Variants in FAT3 observed in about 807,000 individuals in gnomAD.
FAT3 encodes the protein FAT atypical cadherin 3.
FAT3 carries 95 observed loss-of-function variants against 310.2 expected under a neutral mutation model. The ratio of observed to expected loss-of-function variants is 0.31; its 90% CI spans 0.26 to 0.36. FAT3 has a LOEUF of 0.36. Among genes scored for constraint, FAT3 ranks in the 10% least tolerant of loss-of-function variants. The pLI is 1.00. For missense variants in FAT3, 5,408 were observed against 5,715.6 expected (o/e 0.95, Z 1.74); for synonymous variants, 2,314 against 2,192.9 (o/e 1.06, Z -1.54).
intron 3 of FAT3, among the ~76,000 whole-genome samples, chr11:92,666,505 C>A (rs1160627582): frequency 6.6e-6 from 1 of 151,342 alleles, no homozygotes; most frequent in East Asian, 1.9e-4. Flanking sequence ...ACAACCGCCA[C>A]CACGCCCAGC....
chr11:92,810,074 T>C lies in FAT3; in HGVS notation c.9479T>C (p.Ile3160Thr), dbSNP rs376808383. Reference protein sequence around the residue: ...LTRVQAVDPDIGINRKVVYSL... With the variant: ...LTRVQAVDPDTGINRKVVYSL... ...AGAGTTCAAGCCGTGGACCCCGACA[T>C]TGGTAAGTCAGTTGCAGGCATCTCC... The change falls in exon 13 of 28, where the codon ATT (isoleucine) becomes ACT (threonine). Residue 3160 changes from isoleucine (I) to threonine (T), a missense_variant and splice_region_variant. Transcript: ENST00000525166. 1 of 1,613,334 alleles carries C rather than the reference T, an allele frequency of 6.2e-7. No individual in the cohort carries two copies.
At chr11:92,507,276 G>A (rs1194286940) in intron 2 of FAT3, among the ~76,000 whole-genome samples, 1 of 152,138 alleles carries the variant, frequency 6.6e-6, no homozygotes, top group Admixed American at 6.6e-5. Context: ...TATAGAAGAT[G>A]AGAACTGGAG....
intron 1 of FAT3, among the ~76,000 whole-genome samples, chr11:92,289,511 A>ACACACACACC (rs1946640443): frequency 6.6e-6 from 1 of 151,258 alleles, no homozygotes; most frequent in Non-Finnish European, 1.5e-5. Flanking sequence ...ACACACACAC[A>ACACACACACC]CACACACACA....
At chr11:92,444,426 G>A (rs1229060299) in intron 2 of FAT3, among the ~76,000 whole-genome samples, 2 of 152,144 alleles carry the variant, frequency 1.3e-5, no homozygotes, top group African/African-American at 2.4e-5. Context: ...ATGTGCAAGT[G>A]CTAAACAGTG....
At chr11:92,650,846 A>G (rs2135757753) in intron 3 of FAT3, among the ~76,000 whole-genome samples, 1 of 152,326 alleles carries the variant, frequency 6.6e-6, no homozygotes, top group South Asian at 2.1e-4. Context: ...GGATATTGTG[A>G]GGATTAAATG....
rs576207718 is a variant in FAT3, at chr11:92,615,883, T to A, written c.3608-81501T>A. Among the ~76,000 whole-genome samples, 3 of 152,282 alleles carry A rather than the reference T, an allele frequency of 2.0e-5. No individual in the cohort carries two copies. The South Asian group carries it at 6.2e-4, about 32-fold the overall frequency. On this transcript the variant is annotated intron_variant, in intron 3 of 27. Coordinates refer to ENST00000525166, the MANE Select transcript of FAT3 (RefSeq NM_001367949.2). Reference sequence around the variant, plus strand: ...CTTTTCTTTTACATTTGCTGAGGAGTGCTTTACTTCCAACTACGTGGTCAA... The same window carrying A: ...CTTTTCTTTTACATTTGCTGAGGAGAGCTTTACTTCCAACTACGTGGTCAA...
chr11:92,374,255 A>G (rs989531477), intron 2 of FAT3, among the ~76,000 whole-genome samples: 2 of 152,332 alleles, frequency 1.3e-5, no homozygotes, highest in African/African-American at 4.8e-5. Context: ...CAGTCAAGTT[A>G]GCACCTAAAA....
chr11:92,457,359 G>A (rs1457230181), intron 2 of FAT3, among the ~76,000 whole-genome samples: 1 of 152,164 alleles, frequency 6.6e-6, no homozygotes, highest in Non-Finnish European at 1.5e-5. Flanking sequence ...CAGGTCTAGT[G>A]TGGTGTGGCT....
chr11:92,559,369 G>A (rs905828375), intron 3 of FAT3: 1 of 177,762 alleles, frequency 5.6e-6, no homozygotes, highest in Middle Eastern at 2.3e-3. Context: ...CTGGGTGATT[G>A]TTTACTTATT....
chr11:92,345,054 G>T (rs1201367725), intron 1 of FAT3, among the ~76,000 whole-genome samples: 1 of 152,104 alleles, frequency 6.6e-6, no homozygotes, highest in Non-Finnish European at 1.5e-5. Context: ...TATTTTAGTT[G>T]CCTACCTATA....
At chr11:92,884,453 G>T (rs949299055) in intron 24 of FAT3, among the ~76,000 whole-genome samples, 12 of 152,144 alleles carry the variant, frequency 7.9e-5, no homozygotes, top group African/African-American at 2.9e-4. Flanking sequence ...AAGCTTTGCT[G>T]TAACCTATAA....
chr11:92,257,681 C>G (rs770783066), intron 1 of FAT3, among the ~76,000 whole-genome samples: 2 of 152,100 alleles, frequency 1.3e-5, no homozygotes, highest in Non-Finnish European at 2.9e-5. Context: ...AGAAATCAGA[C>G]TGATGCATGA....
At chr11:92,391,324 A>C (rs1282760661) in intron 2 of FAT3, among the ~76,000 whole-genome samples, 2 of 152,112 alleles carry the variant, frequency 1.3e-5, no homozygotes, top group African/African-American at 4.8e-5. Flanking sequence ...AATAAGTATA[A>C]GTCCCTGACA....
rs753644851 is a variant in FAT3 at position 92,354,320 on chromosome 11, G to A, written c.2208G>A (p.Lys736=). The part of the protein sequence containing the change: ...DKSFPSDVAV[K]EDLPVGANIL... ...CTTTTCCTTCTGATGTGGCTGTAAA[G>A]GAGGATCTGCCAGTTGGTGCTAACA... Residue 736 remains lysine, a synonymous_variant, in exon 2 of 28, where the codon AAG becomes AAA. Coordinates refer to ENST00000525166, the MANE Select transcript of FAT3 (RefSeq NM_001367949.2). The A allele has an allele frequency of 3.1e-6, 5 of 1,613,760 alleles. No homozygotes were observed. The highest frequency in any genetic ancestry group is 1.7e-5 in the Admixed American group (1 of 60,002).
intron 26 of FAT3, 110 bp downstream of exon 26, chr11:92,889,358 T>TTTC: frequency 5.8e-6 from 3 of 513,702 alleles, no homozygotes; most frequent in Non-Finnish European, 1.0e-5. Flanking sequence ...AAACAGCTGG[T>TTTC]TTCTGATGAG....
intron 3 of FAT3, among the ~76,000 whole-genome samples, chr11:92,696,170 G>T (rs1943936518): frequency 6.6e-6 from 1 of 151,622 alleles, no homozygotes; most frequent in South Asian, 2.1e-4. Flanking sequence ...CAATGAAAAA[G>T]ATAAAGAAAA....
In FAT3 at chr11:92,789,985, T is replaced by G. The variant is rs1314042536; in HGVS notation, c.4378T>G (p.Phe1460Val). ...VLDNNDNGPEFSQPNYDVTIS... is the reference protein window; with the variant it reads ...VLDNNDNGPEVSQPNYDVTIS... ...GGATAATAATGATAATGGCCCAGAA[T>G]TCTCTCAGCCGAATTACGATGTGAC... The change falls in exon 8 of 28, where the codon TTC (phenylalanine) becomes GTC (valine). Residue 1460 changes from phenylalanine (F) to valine (V), a missense_variant. Phe to Val is a conservative substitution (Grantham distance 50). Around this residue, in one of 5 missense-constraint regions of FAT3, gnomAD observed 4,588 missense variants for 4,809.8 expected, o/e 0.95. Transcript: ENST00000525166. 3 of 1,613,664 alleles carry G rather than the reference T, an allele frequency of 1.9e-6. No individual in the cohort carries two copies. Among genetic ancestry groups the G allele is most frequent in the Non-Finnish European group, 2.5e-6 (3 of 1,179,738 alleles).
intron 1 of FAT3, among the ~76,000 whole-genome samples, chr11:92,345,027 T>C (rs991775902): frequency 1.3e-5 from 2 of 152,176 alleles, no homozygotes; most frequent in African/African-American, 2.4e-5. Flanking sequence ...TTTGTTCAAC[T>C]AGTGTTTCCT....
intron 1 of FAT3, among the ~76,000 whole-genome samples, chr11:92,225,884 C>A (rs942690386): frequency 6.6e-6 from 1 of 152,068 alleles, no homozygotes; most frequent in Admixed American, 6.5e-5. Flanking sequence ...GAGAGGGAAC[C>A]GGAATGCTTT....
Sources: gnomAD v4.1 joint callset for allele counts (sites outside exome capture counted in the v4.1 genomes callset) on GRCh38, gnomAD v4.1.1 for gene constraint, gnomAD v4.1.1 regional missense constraint, MANE v1.5 for transcripts, NCBI Gene and HGNC (gene_info 2026-07-23, HGNC 2026-07-21) for gene names.